Variants in ENOX1 observed in about 807,000 individuals in gnomAD.
The protein encoded by ENOX1 is ecto-NOX disulfide-thiol exchanger 1, also known as candidate growth-related and time keeping constitutive hydroquinone (NADH) oxidase.
ENOX1 carries 42 observed loss-of-function variants against 82.5 expected under a neutral mutation model. The ratio of observed to expected loss-of-function variants is 0.51; its 90% CI spans 0.40 to 0.66. The LOEUF (loss-of-function observed/expected upper bound fraction) is 0.66. ENOX1 is among the 30% of genes least tolerant of loss of function. The pLI, the probability that ENOX1 is intolerant of heterozygous loss-of-function variation, is 0.00. For missense variants in ENOX1, 608 were observed against 811.6 expected, an observed-to-expected ratio of 0.75 and a Z score of 3.05; for synonymous variants, 271 against 282.2, an observed-to-expected ratio of 0.96 and a Z score of 0.40.
chr13:43,780,145 A>T (rs1032529777), intron 1 of ENOX1, among the ~76,000 whole-genome samples: 2 of 149,888 alleles, frequency 1.3e-5, no homozygotes, highest in Admixed American at 6.7e-5. Context: ...TGGGCGACAG[A>T]GCGAGACTCT....
At chr13:43,636,213 T>C (rs2083408681) in intron 2 of ENOX1, among the ~76,000 whole-genome samples, 1 of 152,110 alleles carries the variant, frequency 6.6e-6, no homozygotes, top group Non-Finnish European at 1.5e-5. Context: ...GTCACGCAAA[T>C]AATAGTGACA....
At chr13:43,587,388 A>G (rs914151441) in intron 2 of ENOX1, among the ~76,000 whole-genome samples, 2 of 152,220 alleles carry the variant, frequency 1.3e-5, no homozygotes, top group African/African-American at 2.4e-5. Context: ...AGGCTCTAAC[A>G]TAGACCTTAT....
At chr13:43,689,904 T>C (rs1415363798) in intron 1 of ENOX1, among the ~76,000 whole-genome samples, 1 of 152,210 alleles carries the variant, frequency 6.6e-6, no homozygotes, top group Non-Finnish European at 1.5e-5. Context: ...ATGTCTGTTC[T>C]TGGCTCTCAG....
At position 43,365,957 on chromosome 13, in the gene ENOX1, T is replaced by C. The variant is rs114290421; in HGVS notation, c.209-4505A>G. Among the ~76,000 whole-genome samples, 408 of 152,334 alleles carry C rather than the reference T, an allele frequency of 2.7e-3. 1 individual carries two copies. Among genetic ancestry groups the C allele is most frequent in the African/African-American group, 9.4e-3 (389 of 41,580 alleles). On this transcript the variant is annotated intron_variant, in intron 5 of 16. Transcript: ENST00000690772. The stretch of plus-strand genomic sequence containing the variant: ...AAACATGCAATTGTGCTGCTTCTTT[T>C]TCCAGAATTACTGGGTTAAAATTAC...
rs577350666 is a variant in ENOX1, at chr13:43,393,055, T to C, written c.208+18861A>G. On this transcript the variant is annotated intron_variant, in intron 5 of 16. Transcript: ENST00000690772. Reference sequence around the variant, plus strand: ...CATAGCTCTGTGGGCATTTCTGATATTTTACGTTAGTCATTAGAAATAATT... The same window carrying C: ...CATAGCTCTGTGGGCATTTCTGATACTTTACGTTAGTCATTAGAAATAATT... 3.9e-5 allele frequency among the ~76,000 whole-genome samples: 6 copies of C among 152,302 alleles called. No homozygotes were observed. The East Asian group carries it at 1.2e-3, about 29-fold the overall frequency.
chr13:43,538,146 C>T (rs1428627059), intron 2 of ENOX1, among the ~76,000 whole-genome samples: 1 of 152,218 alleles, frequency 6.6e-6, no homozygotes, highest in Non-Finnish European at 1.5e-5. Flanking sequence ...CAGGTGTGTG[C>T]ACGCTGATAT....
At chr13:43,322,737 A>G (rs1162436946) in intron 10 of ENOX1, among the ~76,000 whole-genome samples, 3 of 152,162 alleles carry the variant, frequency 2.0e-5, no homozygotes, top group Admixed American at 6.5e-5. Flanking sequence ...CAAATAATTT[A>G]ATCTCTCTTG....
At chr13:43,704,304 A>G (rs1210135461) in intron 1 of ENOX1, among the ~76,000 whole-genome samples, 1 of 152,186 alleles carries the variant, frequency 6.6e-6, no homozygotes, top group Non-Finnish European at 1.5e-5. Context: ...AAGCCCACCA[A>G]TCAAGACCCT....
chr13:43,247,858 TATATATATA>T (rs2043191130), intron 14 of ENOX1, among the ~76,000 whole-genome samples: 98 of 3,842 alleles, frequency 0.026, 10 homozygotes, highest in Non-Finnish European at 0.036. Context: ...TATATATATA[TATATATATA>T]TATATATATA....
intron 1 of ENOX1, among the ~76,000 whole-genome samples, chr13:43,695,746 C>T (rs879635366): frequency 3.3e-5 from 5 of 152,170 alleles, no homozygotes; most frequent in Non-Finnish European, 7.3e-5. Flanking sequence ...CCGCACCCGG[C>T]CTCATTTTTT....
rs1050004520 is a variant in ENOX1, at chr13:43,373,189, T to C, written c.209-11737A>G. The stretch of plus-strand genomic sequence containing the variant: ...TCCTTTAAAAAAAAAAAGCATATCC[T>C]ACTTCTCGGTGGCTTTTTAAGTTCA... On this transcript the variant is annotated intron_variant, in intron 5 of 16. Coordinates refer to ENST00000690772, the MANE Select transcript of ENOX1 (RefSeq NM_001347969.2). Among the ~76,000 whole-genome samples, 3 of 152,126 alleles carry C rather than the reference T, an allele frequency of 2.0e-5. No homozygotes were observed. In the East Asian group the frequency reaches 5.8e-4, roughly 29 times the overall value.
chr13:43,508,033 A>G (rs570853917), intron 2 of ENOX1, among the ~76,000 whole-genome samples: 36 of 152,040 alleles, frequency 2.4e-4, no homozygotes, highest in Non-Finnish European at 2.9e-4. Context: ...TTAAAAGCAC[A>G]TATGAGAGAA....
At chr13:43,338,608 T>C (rs1390466203) in intron 9 of ENOX1, among the ~76,000 whole-genome samples, 4 of 150,940 alleles carry the variant, frequency 2.7e-5, no homozygotes, top group Middle Eastern at 3.2e-3. Flanking sequence ...TGGACATCCA[T>C]GGTCAGAAGA....
chr13:43,343,900 ATTACCCTGACTAT>A (rs2049214077), intron 9 of ENOX1, among the ~76,000 whole-genome samples: 1 of 152,094 alleles, frequency 6.6e-6, no homozygotes, highest in African/African-American at 2.4e-5. Flanking sequence ...GCCCTGGGTA[ATTACCCTGACTAT>A]TGTTCTAAGA....
intron 2 of ENOX1, among the ~76,000 whole-genome samples, chr13:43,570,635 G>A (rs931390135): frequency 8.5e-5 from 13 of 152,280 alleles, no homozygotes; most frequent in Non-Finnish European, 1.8e-4. Flanking sequence ...GACATCGAGA[G>A]CAATTTCAGT....
intron 1 of ENOX1, among the ~76,000 whole-genome samples, chr13:43,723,070 A>G (rs1406304215): frequency 6.6e-6 from 1 of 152,206 alleles, no homozygotes; most frequent in Non-Finnish European, 1.5e-5. Flanking sequence ...ACACCTTAAG[A>G]AACACTAGGG....
intron 1 of ENOX1, among the ~76,000 whole-genome samples, chr13:43,718,658 C>A (rs1479133863): frequency 4.5e-5 from 4 of 89,024 alleles, no homozygotes; most frequent in Non-Finnish European, 7.9e-5. Context: ...GCCTGGGAGA[C>A]AAAGCAAGAC....
chr13:43,674,622 A>C (rs1190148088), intron 1 of ENOX1, among the ~76,000 whole-genome samples: 1 of 152,130 alleles, frequency 6.6e-6, no homozygotes, highest in East Asian at 1.9e-4. Flanking sequence ...AGAAGATTTT[A>C]AGGCCAGTGA....
At chr13:43,554,085 C>G (rs2079328748) in intron 2 of ENOX1, among the ~76,000 whole-genome samples, 1 of 152,138 alleles carries the variant, frequency 6.6e-6, no homozygotes, top group Non-Finnish European at 1.5e-5. Context: ...TGCACTAATG[C>G]TACTTGGGGA....
Sources: gnomAD v4.1 joint callset for allele counts (sites outside exome capture counted in the v4.1 genomes callset) on GRCh38, gnomAD v4.1.1 for gene constraint, MANE v1.5 for transcripts, NCBI Gene and HGNC (gene_info 2026-07-23, HGNC 2026-07-21) for gene names.